Variants in AGBL1 observed in about 807,000 individuals in gnomAD.
The protein encoded by AGBL1 is AGBL carboxypeptidase 1.
In AGBL1, 130 loss-of-function variants were observed where a neutral mutation model predicts 118.9. That is an observed-to-expected ratio of 1.09 (90% CI 0.95 to 1.26). The LOEUF (loss-of-function observed/expected upper bound fraction) is 1.26, where lower values mean the gene tolerates loss of function less well. Ranked by LOEUF, AGBL1 falls within the 50% of genes most tolerant of loss-of-function variation. The pLI is 0.00. For missense variants in AGBL1, 1,584 were observed against 1,298.1 expected, an observed-to-expected ratio of 1.22 and a Z score of -3.38; for synonymous variants, 555 against 478.9, an observed-to-expected ratio of 1.16 and a Z score of -2.08.
chr15:86,155,996 A>G (rs976764411), intron 4 of AGBL1, among the ~76,000 whole-genome samples: 3 of 152,016 alleles, frequency 2.0e-5, no homozygotes, highest in African/African-American at 7.3e-5. Flanking sequence ...ACCTTAGTTC[A>G]CTGCAATCTC....
rs1336137049 is a variant in AGBL1, at chr15:86,095,646, CCTTTTTTTT to C, written c.51+15624_51+15632del. ...TCATAATGTCACATGACCTTGGATA[CCTTTTTTTT>C]TTTTTTTTTTTTTTTTTTTTACCTT... On this transcript the variant is annotated intron_variant, in intron 1 of 22. Transcript: ENST00000614907. Among the ~76,000 whole-genome samples the C allele has an allele frequency of 1.3e-3, 150 of 116,680 alleles. 2 individuals carry two copies. Among genetic ancestry groups the C allele is most frequent in the Non-Finnish European group, 1.8e-3 (101 of 57,524 alleles). 76.5% of individuals were successfully genotyped at this position (116,680 alleles called of 152,430 possible).
At chr15:86,602,793 A>C (rs1287577059) in intron 21 of AGBL1, among the ~76,000 whole-genome samples, 1 of 152,332 alleles carries the variant, frequency 6.6e-6, no homozygotes, top group East Asian at 1.9e-4. Context: ...AGCAGAAAAA[A>C]ATAAGGCTTG....
At chr15:86,090,869 C>T (rs1425827842) in intron 1 of AGBL1, among the ~76,000 whole-genome samples, 1 of 152,168 alleles carries the variant, frequency 6.6e-6, no homozygotes, top group Non-Finnish European at 1.5e-5. Flanking sequence ...TGCCATACTA[C>T]TATTCACTTG....
chr15:86,258,170 G>A (rs915814219), intron 9 of AGBL1, 139 bp downstream of exon 9: 16 of 776,612 alleles, frequency 2.1e-5, no homozygotes, highest in African/African-American at 5.2e-5. Context: ...GTCGTGATGC[G>A]CAGTAAATGA....
At chr15:86,475,905 G>A (rs951827015) in intron 18 of AGBL1, among the ~76,000 whole-genome samples, 1 of 152,228 alleles carries the variant, frequency 6.6e-6, no homozygotes, top group African/African-American at 2.4e-5. Flanking sequence ...CCAGAAGAGA[G>A]TGGGGGCCAA....
At chr15:86,115,383 T>C (rs1897690560) in intron 1 of AGBL1, among the ~76,000 whole-genome samples, 1 of 152,220 alleles carries the variant, frequency 6.6e-6, no homozygotes, top group Non-Finnish European at 1.5e-5. Context: ...TCCTGGCAAA[T>C]CTTTACTTTA....
At chr15:86,732,340 C>T (rs2077537053) in intron 22 of AGBL1, among the ~76,000 whole-genome samples, 2 of 152,194 alleles carry the variant, frequency 1.3e-5, no homozygotes, top group Admixed American at 6.5e-5. Flanking sequence ...ATATAATCTA[C>T]TCCACCACAG....
At chr15:86,448,178 A>G (rs2082149193) in intron 18 of AGBL1, among the ~76,000 whole-genome samples, 1 of 152,176 alleles carries the variant, frequency 6.6e-6, no homozygotes, top group Non-Finnish European at 1.5e-5. Flanking sequence ...GAAACAGAAT[A>G]AATGCAATCA....
chr15:86,199,765 T>C (rs976916024), intron 5 of AGBL1, among the ~76,000 whole-genome samples: 1 of 152,208 alleles, frequency 6.6e-6, no homozygotes, highest in Non-Finnish European at 1.5e-5. Context: ...ATAAAAGTTT[T>C]TAAAATTTGC....
At chr15:86,964,883 T>C (rs2081033590) in intron 23 of AGBL1, among the ~76,000 whole-genome samples, 1 of 152,206 alleles carries the variant, frequency 6.6e-6, no homozygotes, top group East Asian at 1.9e-4. Flanking sequence ...CATGCAGTGT[T>C]TGGTTTTCTG....
intron 18 of AGBL1, among the ~76,000 whole-genome samples, chr15:86,472,017 C>T (rs1402435662): frequency 1.3e-5 from 2 of 152,180 alleles, no homozygotes; most frequent in Non-Finnish European, 2.9e-5. Context: ...CATGTGAAGA[C>T]AGAACCACTG....
At chr15:86,563,700 C>G (rs1186026681) in intron 21 of AGBL1, among the ~76,000 whole-genome samples, 1 of 152,022 alleles carries the variant, frequency 6.6e-6, no homozygotes, top group Non-Finnish European at 1.5e-5. Flanking sequence ...AACTTTCTGT[C>G]TTGTTGGTCT....
intron 18 of AGBL1, among the ~76,000 whole-genome samples, chr15:86,514,184 A>G (rs2083089168): frequency 6.6e-6 from 1 of 151,802 alleles, no homozygotes; most frequent in Non-Finnish European, 1.5e-5. Flanking sequence ...TTCTTTATCT[A>G]TCTGTAAATT....
chr15:86,099,217 A>G (rs1896565140), intron 1 of AGBL1, among the ~76,000 whole-genome samples: 2 of 152,224 alleles, frequency 1.3e-5, no homozygotes, highest in Non-Finnish European at 2.9e-5. Context: ...GTAGAAGGAA[A>G]TAACTAATAA....
At chr15:86,451,979 G>A (rs140938158) in intron 18 of AGBL1, among the ~76,000 whole-genome samples, 41 of 152,144 alleles carry the variant, frequency 2.7e-4, no homozygotes, top group African/African-American at 9.6e-4. Flanking sequence ...TTATTATTCA[G>A]AAATTTCTAC....
intron 18 of AGBL1, among the ~76,000 whole-genome samples, chr15:86,472,994 G>A (rs970605097): frequency 9.9e-5 from 15 of 151,990 alleles, no homozygotes; most frequent in Admixed American, 2.0e-4. Flanking sequence ...ATATTTTAAT[G>A]GATTTCTTTC....
At chr15:86,280,830 C>G (rs953164707) in intron 16 of AGBL1, among the ~76,000 whole-genome samples, 1 of 152,196 alleles carries the variant, frequency 6.6e-6, no homozygotes, top group Non-Finnish European at 1.5e-5. Flanking sequence ...CATCTGTCCT[C>G]TTCTCCATAT....
intron 18 of AGBL1, among the ~76,000 whole-genome samples, chr15:86,452,086 G>C (rs182936264): frequency 6.6e-6 from 1 of 152,056 alleles, no homozygotes; most frequent in Non-Finnish European, 1.5e-5. Flanking sequence ...GCTTTGCCCG[G>C]ACACATTATG....
At chr15:86,456,317 A>T (rs566029991) in intron 18 of AGBL1, among the ~76,000 whole-genome samples, 3 of 152,330 alleles carry the variant, frequency 2.0e-5, no homozygotes, top group Admixed American at 6.5e-5. Context: ...TATCTTACAT[A>T]TTCCATCCAT....
Sources: allele counts gnomAD v4.1 joint callset (sites outside exome capture counted in the v4.1 genomes callset), GRCh38; gene constraint gnomAD v4.1.1; transcripts MANE v1.5; gene names NCBI Gene and HGNC (gene_info 2026-07-23, HGNC 2026-07-21).